The following CNTN5 variants were observed in gnomAD, a reference collection of about 807,000 sequenced individuals.
The protein encoded by CNTN5 is contactin 5, also known as contactin-5.
In CNTN5, 77 loss-of-function variants were observed where a neutral mutation model predicts 129.1. That is an observed-to-expected ratio of 0.60 (90% CI 0.50 to 0.72). The LOEUF (loss-of-function observed/expected upper bound fraction) is 0.72, where lower values mean the gene tolerates loss of function less well. Ranked by LOEUF, CNTN5 falls within the 30% of genes least tolerant of loss-of-function variation. The pLI, the probability that CNTN5 is intolerant of heterozygous loss-of-function variation, is 0.00. For synonymous variants in CNTN5, 509 were observed against 465.6 expected, an observed-to-expected ratio of 1.09 and a Z score of -1.20; for missense variants, 1,478 against 1,328.8, an observed-to-expected ratio of 1.11 and a Z score of -1.75.
intron 13 of CNTN5, among the ~76,000 whole-genome samples, chr11:100,180,013 C>T (rs1222840000): frequency 6.6e-6 from 1 of 152,002 alleles, no homozygotes; most frequent in African/African-American, 2.4e-5. Context: ...TACAAAAACT[C>T]TTCCAGAGAT....
At chr11:99,537,940 A>C (rs906949635) in intron 2 of CNTN5, among the ~76,000 whole-genome samples, 3 of 152,154 alleles carry the variant, frequency 2.0e-5, no homozygotes, top group Non-Finnish European at 4.4e-5. Flanking sequence ...TTAAATGTCA[A>C]ATACAATTTG....
chr11:100,346,424 C>T (rs1952281581), intron 23 of CNTN5, among the ~76,000 whole-genome samples: 1 of 152,064 alleles, frequency 6.6e-6, no homozygotes, highest in African/African-American at 2.4e-5. Context: ...TTATCTCCAC[C>T]TTATTTTCTT....
intron 21 of CNTN5, among the ~76,000 whole-genome samples, chr11:100,312,547 T>C (rs915527919): frequency 7.9e-5 from 12 of 152,070 alleles, no homozygotes; most frequent in Non-Finnish European, 1.8e-4. Flanking sequence ...TTTACTTTTA[T>C]CCCTCTTTTT....
chr11:100,138,812 T>C (rs79156789), intron 13 of CNTN5, among the ~76,000 whole-genome samples: 5 of 152,268 alleles, frequency 3.3e-5, no homozygotes, highest in African/African-American at 1.2e-4. Context: ...AGGAGCATAA[T>C]GGCAGAAGCA....
At chr11:100,097,970 T>G (rs1565237409) in intron 13 of CNTN5, among the ~76,000 whole-genome samples, 1 of 139,168 alleles carries the variant, frequency 7.2e-6, no homozygotes, top group Non-Finnish European at 1.5e-5. Flanking sequence ...AATCGGGGAG[T>G]TTTTTTTTAA....
intron 1 of CNTN5, among the ~76,000 whole-genome samples, chr11:99,142,828 C>T (rs917663489): frequency 2.0e-5 from 3 of 152,066 alleles, no homozygotes; most frequent in Admixed American, 6.6e-5. Flanking sequence ...TCGTGGGACT[C>T]GTAGGGCTTC....
At chr11:99,737,707 C>G (rs951365316) in intron 3 of CNTN5, among the ~76,000 whole-genome samples, 2 of 151,984 alleles carry the variant, frequency 1.3e-5, no homozygotes, top group East Asian at 3.9e-4. Context: ...TCCAAACTTC[C>G]CATTTCACAC....
intron 2 of CNTN5, among the ~76,000 whole-genome samples, chr11:99,452,346 A>G (rs183686515): frequency 1.8e-4 from 27 of 150,088 alleles, no homozygotes; most frequent in Admixed American, 7.4e-4. Context: ...TAAAGAAAAA[A>G]TTGAAGTTTA....
chr11:99,302,119 T>G (rs1864669563), intron 1 of CNTN5, among the ~76,000 whole-genome samples: 1 of 151,282 alleles, frequency 6.6e-6, no homozygotes, highest in African/African-American at 2.4e-5. Flanking sequence ...ATTTCTATAT[T>G]AAAAAAGATG....
Position 99,278,333 on chromosome 11 carries a change from T to A in CNTN5, c.-209-47013T>A, listed in dbSNP as rs1461669. On this transcript the variant is annotated intron_variant, in intron 1 of 24. Transcript: ENST00000524871. The stretch of plus-strand genomic sequence containing the variant: ...ACAGATGTAGTCATGAGGATGGAGA[T>A]GAGTAAATATCACTCTAAAATCATT... 3.1e-3 allele frequency among the ~76,000 whole-genome samples: 478 copies of A among 151,848 alleles called. 1 individual carries two copies. Among genetic ancestry groups the A allele is most frequent in the African/African-American group, 0.011 (470 of 41,510 alleles).
chr11:99,314,777 T>C (rs1168796197), intron 1 of CNTN5, among the ~76,000 whole-genome samples: 1 of 149,420 alleles, frequency 6.7e-6, no homozygotes, highest in East Asian at 2.0e-4. Context: ...GGGGAGGAGG[T>C]GCACATGTGT....
intron 6 of CNTN5, among the ~76,000 whole-genome samples, chr11:99,867,295 A>G (rs1056301428): frequency 6.6e-6 from 1 of 152,214 alleles, no homozygotes; most frequent in Non-Finnish European, 1.5e-5. Flanking sequence ...GTATTTATTG[A>G]GTACCTACTA....
chr11:100,220,761 T>A (rs1219740458), intron 15 of CNTN5, among the ~76,000 whole-genome samples: 1 of 152,184 alleles, frequency 6.6e-6, no homozygotes, highest in Non-Finnish European at 1.5e-5. Context: ...CCAAGGTGAA[T>A]ATCTAATAAG....
intron 16 of CNTN5, among the ~76,000 whole-genome samples, chr11:100,238,202 T>C (rs2138671861): frequency 6.6e-6 from 1 of 152,270 alleles, no homozygotes; most frequent in Admixed American, 6.5e-5. Context: ...CTATTGCTGA[T>C]ACTTACTTAG....
chr11:100,168,487 T>C (rs1191186667), intron 13 of CNTN5, among the ~76,000 whole-genome samples: 1 of 151,940 alleles, frequency 6.6e-6, no homozygotes, highest in Non-Finnish European at 1.5e-5. Context: ...GCTCTATAAA[T>C]GATACAACAA....
rs1555025634 is a variant in CNTN5 at position 99,553,979 on chromosome 11, C to CACACACAT, written c.-70-2159_-70-2158insTACACACA. Among the ~76,000 whole-genome samples, 15 of 145,650 alleles carry CACACACAT rather than the reference C, an allele frequency of 1.0e-4. No homozygotes were observed. The South Asian group carries it at 1.4e-3, about 13-fold the overall frequency. On this transcript the variant is annotated intron_variant, in intron 2 of 24. Coordinates refer to ENST00000524871, the MANE Select transcript of CNTN5 (RefSeq NM_014361.4). ...TTGAAAATGAATACACACACACACACACACACACACACACACATACACACA... is the reference window on the plus strand; with the variant it reads ...TTGAAAATGAATACACACACACACACACACACATACACACACACACACACATACACACA...
Position 99,956,944 on chromosome 11 carries a change from T to C in CNTN5, c.812T>C (p.Val271Ala), listed in dbSNP as rs779073851. ...TSDVGSYICLVKNTVTNARVL... is the reference protein window; with the variant it reads ...TSDVGSYICLAKNTVTNARVL... ...GATGTTGGCAGCTATATTTGTCTGG[T>C]GAAAAACACAGTGACGAATGCTAGA... The change falls in exon 8 of 25, where the codon GTG (valine) becomes GCG (alanine). Residue 271 changes from valine (V) to alanine (A), a missense_variant. Physicochemically the swap from Val to Ala is moderately conservative, Grantham distance 64. Transcript: ENST00000524871. 6 of 1,613,904 alleles carry C rather than the reference T, an allele frequency of 3.7e-6. No individual in the cohort carries two copies. Among genetic ancestry groups the C allele is most frequent in the Admixed American group, 3.3e-5 (2 of 60,018 alleles).
intron 1 of CNTN5, among the ~76,000 whole-genome samples, chr11:99,273,119 C>T (rs1863252556): frequency 6.6e-6 from 1 of 151,692 alleles, no homozygotes. Context: ...AGGAAAACCA[C>T]TAATTAGATA....
chr11:100,126,894 G>C (rs747044834), intron 13 of CNTN5, among the ~76,000 whole-genome samples: 1 of 151,912 alleles, frequency 6.6e-6, no homozygotes, highest in African/African-American at 2.4e-5. Context: ...ATGTATTGAA[G>C]TGTGGTTTTG....
Sources: allele counts gnomAD v4.1 joint callset (sites outside exome capture counted in the v4.1 genomes callset), GRCh38; gene constraint gnomAD v4.1.1; transcripts MANE v1.5; gene names NCBI Gene and HGNC (gene_info 2026-07-23, HGNC 2026-07-21).